Variants in WASHC4 observed in about 807,000 individuals in gnomAD.
The protein encoded by WASHC4 is WASH complex subunit 4.
A neutral mutation model predicts 166.6 loss-of-function variants in WASHC4; 86 were observed. The ratio of observed to expected loss-of-function variants is 0.52; its 90% CI spans 0.43 to 0.62. WASHC4 has a LOEUF of 0.62. Among genes scored for constraint, WASHC4 ranks in the 20% least tolerant of loss-of-function variants. The pLI is 0.00. For synonymous variants in WASHC4, 446 were observed against 451.6 expected, an observed-to-expected ratio of 0.99 and a Z score of 0.16; for missense variants, 1,262 against 1,382.4, an observed-to-expected ratio of 0.91 and a Z score of 1.38.
chr12:105,122,900 A>T (rs1880902618), intron 10 of WASHC4, among the ~76,000 whole-genome samples: 1 of 152,194 alleles, frequency 6.6e-6, no homozygotes, highest in African/African-American at 2.4e-5. Context: ...ACACAACCAT[A>T]TTGAAATTAG....
chr12:105,144,867 G>A lies in WASHC4; in HGVS notation c.2329G>A (p.Glu777Lys). 1 of 1,611,792 alleles carries A rather than the reference G, an allele frequency of 6.2e-7. No individual in the cohort carries two copies. The highest frequency in any genetic ancestry group is 2.2e-5 in the East Asian group (1 of 44,720). ...TEAHLPSQTL[E>K]QGLDVLEIMR... ...GGCACATCTTCCCAGTCAGACTTTG[G>A]AACAGGTATAGTATAAAATGTTTTT... Residue 777 changes from glutamate (E) to lysine (K), a missense_variant, in exon 22 of 33, where the codon GAA becomes AAA. Physicochemically the swap from Glu to Lys is moderately conservative, Grantham distance 56. Coordinates refer to ENST00000332180, the MANE Select transcript of WASHC4 (RefSeq NM_015275.3).
intron 29 of WASHC4, 54 bp from the exon 30 acceptor site, chr12:105,162,695 C>G: frequency 1.2e-6 from 1 of 864,472 alleles, no homozygotes; most frequent in South Asian, 1.3e-5. Context: ...TATAGGAATT[C>G]TGAAGATTTT....
At chr12:105,147,963 C>G in intron 24 of WASHC4, 2 of 984,270 alleles carry the variant, frequency 2.0e-6, no homozygotes, top group Non-Finnish European at 2.4e-6. Flanking sequence ...ATTATTTGAA[C>G]TCGTATGCTA....
intron 10 of WASHC4, 43 bp from the exon 11 acceptor site, chr12:105,125,961 A>G (rs775770613): frequency 9.5e-6 from 15 of 1,582,462 alleles, no homozygotes; most frequent in Non-Finnish European, 1.3e-5. Flanking sequence ...TTAATCGTTT[A>G]TTATTGAGAG....
At chr12:105,144,098 A>G (rs1883093698) in intron 20 of WASHC4, among the ~76,000 whole-genome samples, 189 bp from the exon 21 acceptor site, 1 of 151,920 alleles carries the variant, frequency 6.6e-6, no homozygotes, top group African/African-American at 2.4e-5. Context: ...GGTACCATCA[A>G]TCATTAGTTT....
chr12:105,125,076 G>A (rs1273660404), intron 10 of WASHC4, among the ~76,000 whole-genome samples: 6 of 152,148 alleles, frequency 3.9e-5, no homozygotes, highest in African/African-American at 1.2e-4. Flanking sequence ...GGTTCCACTC[G>A]AAATTGCATT....
chr12:105,107,986 C>T, intron 1 of WASHC4, 125 bp downstream of exon 1: 1 of 737,992 alleles, frequency 1.4e-6, no homozygotes, highest in Non-Finnish European at 2.3e-6. Flanking sequence ...ACTTCAGAGC[C>T]CTTGGGGTGT....
chr12:105,137,796 G>A, intron 14 of WASHC4, 90 bp from the exon 15 acceptor site: 1 of 1,065,854 alleles, frequency 9.4e-7, no homozygotes, highest in Non-Finnish European at 1.4e-6. Flanking sequence ...ATTAGTTATT[G>A]GTAAGTTGAG....
At chr12:105,164,586 A>G (rs922770386) in intron 31 of WASHC4, 55 bp from the exon 32 acceptor site, 17 of 1,235,958 alleles carry the variant, frequency 1.4e-5, no homozygotes, top group Non-Finnish European at 1.2e-6. Context: ...TATTTTTGGT[A>G]TTTTGCCATA....
intron 6 of WASHC4, among the ~76,000 whole-genome samples, chr12:105,116,816 G>A (rs1475203401): frequency 6.6e-6 from 1 of 152,180 alleles, no homozygotes; most frequent in Non-Finnish European, 1.5e-5. Context: ...ATACTGAGGT[G>A]TAGTCCAAAG....
intron 14 of WASHC4, among the ~76,000 whole-genome samples, chr12:105,134,949 T>G (rs969892026): frequency 6.6e-6 from 1 of 151,982 alleles, no homozygotes; most frequent in Non-Finnish European, 1.5e-5. Context: ...TCCTCTCTAT[T>G]AGTTTAATTC....
intron 6 of WASHC4, among the ~76,000 whole-genome samples, chr12:105,116,369 T>G (rs1185512195): frequency 2.6e-5 from 4 of 152,216 alleles, no homozygotes; most frequent in African/African-American, 9.6e-5. Context: ...TTCAAATCTT[T>G]TATATCTTTA....
intron 13 of WASHC4, among the ~76,000 whole-genome samples, chr12:105,127,553 AT>A (rs1022498190): frequency 6.6e-6 from 1 of 152,176 alleles, no homozygotes; most frequent in African/African-American, 2.4e-5. Flanking sequence ...TGTGTTAAAT[AT>A]TTTTTGTCCA....
At chr12:105,148,263 T>A in intron 24 of WASHC4, 1 of 985,314 alleles carries the variant, frequency 1.0e-6, no homozygotes, top group Non-Finnish European at 1.2e-6. Context: ...TGAAGAGTCA[T>A]CCATGTAATG....
intron 6 of WASHC4, among the ~76,000 whole-genome samples, chr12:105,116,094 G>A (rs908352092): frequency 3.9e-5 from 6 of 152,070 alleles, no homozygotes; most frequent in East Asian, 1.9e-4. Flanking sequence ...TGTTTAAAGC[G>A]GTAGCCCTCC....
rs76437801 is a variant in WASHC4, at chr12:105,122,285, G to A, written c.786+47G>A. 1,211 of 1,589,612 alleles carry A rather than the reference G, an allele frequency of 7.6e-4. 8 individuals carry two copies. In the African/African-American group the frequency reaches 0.014, roughly 18 times the overall value. ...TGTAACAGTGGGGCTCATATTAGAC[G>A]ACAAAGCTCAGAATTATAGTAGGAC... On this transcript the variant is annotated intron_variant, in intron 10 of 32. Transcript: ENST00000332180.
At chr12:105,141,728 G>A (rs372441550) in intron 18 of WASHC4, among the ~76,000 whole-genome samples, 127 of 152,230 alleles carry the variant, frequency 8.3e-4, no homozygotes, top group African/African-American at 3.0e-3. Context: ...TTGAGTAAGC[G>A]TAAATTTCTT....
intron 22 of WASHC4, among the ~76,000 whole-genome samples, chr12:105,145,423 C>A (rs1883214133): frequency 6.6e-6 from 1 of 151,886 alleles, no homozygotes; most frequent in South Asian, 2.1e-4. Flanking sequence ...TTAAGATGAT[C>A]CAGATAATAT....
chr12:105,138,338 G>A (rs1331238247), intron 15 of WASHC4, among the ~76,000 whole-genome samples: 2 of 146,574 alleles, frequency 1.4e-5, no homozygotes. Context: ...ACTCTTGGAA[G>A]TTTTAAAAAG....
Sources: allele counts gnomAD v4.1 joint callset (sites outside exome capture counted in the v4.1 genomes callset), GRCh38; gene constraint gnomAD v4.1.1; transcripts MANE v1.5; gene names NCBI Gene and HGNC (gene_info 2026-07-23, HGNC 2026-07-21).